AFDN: variants seen among roughly 807,000 people sequenced by gnomAD.
AFDN encodes afadin, adherens junction formation factor.
A neutral mutation model predicts 216.6 loss-of-function variants in AFDN; 68 were observed. The observed-to-expected ratio is 0.31, with a 90% CI of 0.26 to 0.38. AFDN has a LOEUF of 0.38. Among genes scored for constraint, AFDN ranks in the 10% least tolerant of loss-of-function variants. The probability of loss-of-function intolerance (pLI) is 1.00; values close to 1 mark genes in which losing one functional copy is unlikely to be tolerated. For missense variants in AFDN, 2,136 were observed against 2,342.0 expected, an observed-to-expected ratio of 0.91 and a Z score of 1.82; for synonymous variants, 868 against 853.7, an observed-to-expected ratio of 1.02 and a Z score of -0.29.
intron 12 of AFDN, among the ~76,000 whole-genome samples, chr6:167,905,280 A>G (rs995173962): frequency 3.3e-4 from 50 of 152,146 alleles, no homozygotes; most frequent in Non-Finnish European, 6.8e-4. Context: ...CTCCTGTTTC[A>G]TACGTCATTG....
chr6:167,884,135 G>A (rs975888595), intron 6 of AFDN, among the ~76,000 whole-genome samples: 1 of 152,146 alleles, frequency 6.6e-6, no homozygotes, highest in South Asian at 2.1e-4. Flanking sequence ...CTTTTATCAT[G>A]AGATTGCAGC....
At chr6:167,966,566 A>C (rs1201857127) in intron 32 of AFDN, among the ~76,000 whole-genome samples, 1 of 152,164 alleles carries the variant, frequency 6.6e-6, no homozygotes, top group East Asian at 1.9e-4. Context: ...AAATCACTTG[A>C]AGTACTGTTG....
Position 167,827,197 on chromosome 6 carries a change from C to A in AFDN, c.65C>A (p.Ala22Asp), listed in dbSNP as rs765825279. Residue 22 changes from alanine (A) to aspartate (D), a missense_variant, in exon 1 of 34, where the codon GCC becomes GAC. By Grantham distance (126) the Ala-to-Asp change is moderately radical. This residue lies in a region of AFDN where 81 missense variants were observed against 51.2 expected (regional missense o/e 1.58). Transcript: ENST00000683244. Reference protein sequence around the residue: ...KLADIIHHWNANRLDLFEISQ... With the variant: ...KLADIIHHWNDNRLDLFEISQ... ...GCCGACATCATCCACCACTGGAACG[C>A]CAACCGGCTGGACCTGTTCGAGATC... 3 of 1,297,354 alleles carry A rather than the reference C, an allele frequency of 2.3e-6. No individual in the cohort carries two copies. Among genetic ancestry groups the A allele is most frequent in the Admixed American group, 2.5e-5 (1 of 40,810 alleles). 80.4% of individuals were successfully genotyped at this position (1,297,354 alleles called of 1,614,324 possible). A position where few individuals can be genotyped will look rare whatever the true frequency, so the allele number is the denominator to read the frequency against.
intron 1 of AFDN, among the ~76,000 whole-genome samples, chr6:167,837,289 A>G (rs1166343780): frequency 6.6e-6 from 1 of 152,136 alleles, no homozygotes; most frequent in Non-Finnish European, 1.5e-5. Flanking sequence ...TTATTCAAAT[A>G]TGCTTATTTT....
Position 167,864,750 on chromosome 6 carries a change from A to G in AFDN, c.301+4A>G. 3 of 1,613,912 alleles carry G rather than the reference A, an allele frequency of 1.9e-6. No homozygotes were observed. The highest frequency in any genetic ancestry group is 2.5e-6 in the Non-Finnish European group (3 of 1,179,854). On this transcript the variant is annotated splice_donor_region_variant and intron_variant, in intron 2 of 33. Transcript: ENST00000683244. ...TATGAAGTGCATGTCAGCGGAGGTC[A>G]GTGTATACAGGAAGGGTTTGCTAGA...
Position 167,897,252 on chromosome 6 carries a change from G to C in AFDN, c.1317+280G>C, listed in dbSNP as rs184138589. 1.1e-3 allele frequency among the ~76,000 whole-genome samples: 163 copies of C among 152,212 alleles called. 2 individuals carry two copies. The highest frequency in any genetic ancestry group is 4.0e-4 in the Non-Finnish European group (27 of 68,018). On this transcript the variant is annotated intron_variant, in intron 10 of 33. Coordinates refer to ENST00000683244, the MANE Select transcript of AFDN (RefSeq NM_001386888.1). ...AAAGATGGTGATGATACTTTTATAGGTCTATTTCAGGATTACAGGATATAA... is the reference window on the plus strand; with the variant it reads ...AAAGATGGTGATGATACTTTTATAGCTCTATTTCAGGATTACAGGATATAA...
chr6:167,923,980 C>T (rs559029207), intron 22 of AFDN, among the ~76,000 whole-genome samples: 1 of 152,204 alleles, frequency 6.6e-6, no homozygotes, highest in South Asian at 2.1e-4. Context: ...CAAATAACAG[C>T]AGCAACTTCT....
At chr6:167,954,565 T>G (rs1796314456) in intron 30 of AFDN, 2 of 1,419,868 alleles carry the variant, frequency 1.4e-6, no homozygotes, top group Non-Finnish European at 1.9e-6. Flanking sequence ...TGGTGGCTGT[T>G]TGATGTTTTC....
intron 23 of AFDN, among the ~76,000 whole-genome samples, chr6:167,937,629 T>A (rs1794172350): frequency 6.6e-6 from 1 of 152,154 alleles, no homozygotes; most frequent in South Asian, 2.1e-4. Flanking sequence ...TTAAAAGAAG[T>A]GGTTATTACT....
chr6:167,922,995 T>A (rs751773565), intron 22 of AFDN, 36 bp downstream of exon 22: 18 of 1,372,424 alleles, frequency 1.3e-5, no homozygotes, highest in Non-Finnish European at 5.2e-6. Flanking sequence ...GTGAAATGGA[T>A]CCTTAGGACT....
At chr6:167,860,693 C>G (rs1033161282) in intron 1 of AFDN, among the ~76,000 whole-genome samples, 6 of 152,176 alleles carry the variant, frequency 3.9e-5, no homozygotes, top group Admixed American at 6.5e-5. Flanking sequence ...GTTGCAGCCC[C>G]CCAGATGTTT....
chr6:167,922,292 G>A (rs748948328), intron 21 of AFDN, among the ~76,000 whole-genome samples: 4 of 152,174 alleles, frequency 2.6e-5, no homozygotes, highest in Non-Finnish European at 5.9e-5. Flanking sequence ...ATTATAAAAT[G>A]ATTCTGAACT....
chr6:167,947,675 G>C (rs1465259654), intron 27 of AFDN, among the ~76,000 whole-genome samples, 178 bp from the exon 28 acceptor site: 1 of 151,962 alleles, frequency 6.6e-6, no homozygotes, highest in African/African-American at 2.4e-5. Context: ...TTATTTAAAA[G>C]ATGGATGTGG....
chr6:167,911,528 G>A (rs1790396951), intron 15 of AFDN, 39 bp downstream of exon 15: 4 of 1,589,768 alleles, frequency 2.5e-6, no homozygotes, highest in Middle Eastern at 1.7e-4. Context: ...TCCAGTGATT[G>A]TGGTTGTAAT....
chr6:167,929,314 G>C (rs1407693826), intron 23 of AFDN, among the ~76,000 whole-genome samples: 1 of 151,886 alleles, frequency 6.6e-6, no homozygotes, highest in Non-Finnish European at 1.5e-5. Flanking sequence ...AATGTTAATA[G>C]TACTTCTAAC....
At chr6:167,938,553 G>A (rs992026286) in intron 23 of AFDN, among the ~76,000 whole-genome samples, 10 of 152,176 alleles carry the variant, frequency 6.6e-5, no homozygotes, top group African/African-American at 2.4e-4. Context: ...AATATCAGTA[G>A]TACATGATCA....
At chr6:167,895,767 T>TA (rs776170969) in intron 9 of AFDN, among the ~76,000 whole-genome samples, 3 of 152,200 alleles carry the variant, frequency 2.0e-5, no homozygotes, top group Non-Finnish European at 4.4e-5. Flanking sequence ...TCTCAAAGCT[T>TA]ACGTTCCTAA....
In AFDN at chr6:167,827,366, TCCCCTC is replaced by T. The variant is rs562683466; in HGVS notation, c.105+140_105+145del. On this transcript the variant is annotated intron_variant, in intron 1 of 33. Transcript: ENST00000683244. ...CCCCCTCCCCCCTCCGCCCCTTCTCTCCCCTCCCCCTCCCCCAGGCCCACCGCGGGC... is the reference window on the plus strand; with the variant it reads ...CCCCCTCCCCCCTCCGCCCCTTCTCTCCCCTCCCCCAGGCCCACCGCGGGC... The T allele has an allele frequency of 8.4e-3, 593 of 70,942 alleles. 6 individuals are homozygous for T. Among genetic ancestry groups the T allele is most frequent in the African/African-American group, 0.032 (565 of 17,464 alleles). 4.4% of individuals were successfully genotyped at this position (70,942 alleles called of 1,614,324 possible).
intron 1 of AFDN, among the ~76,000 whole-genome samples, chr6:167,835,392 C>G (rs1780311852): frequency 1.3e-5 from 2 of 152,152 alleles, no homozygotes; most frequent in African/African-American, 4.8e-5. Context: ...AATGGTGTTC[C>G]ATGAAAGAAG....
Sources: gnomAD v4.1 joint callset for allele counts (sites outside exome capture counted in the v4.1 genomes callset) on GRCh38, gnomAD v4.1.1 for gene constraint, gnomAD v4.1.1 regional missense constraint, MANE v1.5 for transcripts, NCBI Gene and HGNC (gene_info 2026-07-23, HGNC 2026-07-21) for gene names.